Variants in SORCS2 observed in about 807,000 individuals in gnomAD.
The protein encoded by SORCS2 is sortilin related VPS10 domain containing receptor 2.
SORCS2 carries 100 observed loss-of-function variants against 141.6 expected under a neutral mutation model. That is an observed-to-expected ratio of 0.71 (90% confidence interval 0.60 to 0.83). SORCS2 has a LOEUF of 0.83. Ranked by LOEUF, SORCS2 falls within the 40% of genes least tolerant of loss-of-function variation. SORCS2 has a pLI of 0.00. For missense variants in SORCS2, 1,646 were observed against 1,560.2 expected (o/e 1.05, Z -0.93); for synonymous variants, 789 against 676.9 (o/e 1.17, Z -2.57).
chr4:7,252,355 G>C (rs1429157109), intron 1 of SORCS2, among the ~76,000 whole-genome samples: 1 of 152,186 alleles, frequency 6.6e-6, no homozygotes, highest in Non-Finnish European at 1.5e-5. Context: ...GGGCCCGGGT[G>C]GGGCAGGGCA....
chr4:7,725,196 G>T lies in SORCS2; in HGVS notation c.2654G>T (p.Gly885Val). ...ALYLEVVPVI[G>V]LNQEVNLTAV... The stretch of plus-strand genomic sequence containing the variant: ...TACCTGGAGGTGGTTCCTGTCATTG[G>T]CCTCAACCAGGAGGTGAACCTCACA... The change falls in exon 20 of 27, where the codon GGC becomes GTC. Residue 885 changes from glycine to valine, a missense_variant. By Grantham distance (109) the Gly-to-Val change is moderately radical. Coordinates refer to ENST00000507866, the MANE Select transcript of SORCS2 (RefSeq NM_020777.3). 3.1e-6 allele frequency: 5 copies of T among 1,613,534 alleles called. No homozygotes were observed. Among genetic ancestry groups the T allele is most frequent in the Non-Finnish European group, 3.4e-6 (4 of 1,179,620 alleles).
chr4:7,393,194 C>A (rs1157490175), intron 1 of SORCS2, among the ~76,000 whole-genome samples: 1 of 152,082 alleles, frequency 6.6e-6, no homozygotes, highest in Non-Finnish European at 1.5e-5. Flanking sequence ...CTTGGACATT[C>A]CTGGCCGTCT....
chr4:7,604,550 C>T (rs960205614), intron 3 of SORCS2, among the ~76,000 whole-genome samples: 4 of 152,208 alleles, frequency 2.6e-5, no homozygotes, highest in Admixed American at 1.3e-4. Flanking sequence ...ATCCCCGCCT[C>T]GGCCTCCCAA....
intron 1 of SORCS2, among the ~76,000 whole-genome samples, chr4:7,225,198 G>A (rs1461246918): frequency 6.6e-6 from 1 of 152,184 alleles, no homozygotes. Flanking sequence ...CTTCAGGGGA[G>A]GTCTCAGGGA....
intron 3 of SORCS2, among the ~76,000 whole-genome samples, chr4:7,619,617 C>A (rs112701344): frequency 5.7e-4 from 87 of 152,278 alleles, no homozygotes; most frequent in African/African-American, 2.0e-3. Context: ...AGCGGCCCTG[C>A]CTCCTTGGGT....
chr4:7,689,633 C>G, intron 11 of SORCS2, 45 bp downstream of exon 11: 2 of 1,507,288 alleles, frequency 1.3e-6, no homozygotes, highest in Non-Finnish European at 1.8e-6. Context: ...CCATTACAGC[C>G]CAAGAGTACC....
At chr4:7,249,759 T>A (rs1318394412) in intron 1 of SORCS2, among the ~76,000 whole-genome samples, 2 of 152,024 alleles carry the variant, frequency 1.3e-5, no homozygotes, top group African/African-American at 2.4e-5. Context: ...AGAACTCCCT[T>A]CCCCTCCTGC....
chr4:7,676,321 C>A (rs1723110845), intron 9 of SORCS2, 92 bp downstream of exon 9: 1 of 1,363,248 alleles, frequency 7.3e-7, no homozygotes, highest in East Asian at 2.5e-5. Context: ...CCCCTCCCGC[C>A]TGTCTATATA....
intron 1 of SORCS2, among the ~76,000 whole-genome samples, chr4:7,336,023 A>C (rs1045551339): frequency 3.3e-5 from 5 of 152,218 alleles, no homozygotes; most frequent in African/African-American, 1.2e-4. Flanking sequence ...GATGATGGTA[A>C]GGTGACTTCC....
At chr4:7,510,757 A>C (rs1352936884) in intron 2 of SORCS2, among the ~76,000 whole-genome samples, 2 of 61,078 alleles carry the variant, frequency 3.3e-5, no homozygotes, top group Non-Finnish European at 3.1e-5. Context: ...GCCTTCCCAG[A>C]TACCCGCATG....
At chr4:7,460,841 T>C (rs73093607) in intron 2 of SORCS2, among the ~76,000 whole-genome samples, 7,335 of 152,216 alleles carry the variant, frequency 0.048, 620 homozygotes, top group African/African-American at 0.17. Context: ...TGCCGTGAAC[T>C]CACAGTCGCC....
At chr4:7,541,561 C>T (rs910145868) in intron 3 of SORCS2, among the ~76,000 whole-genome samples, 1 of 152,246 alleles carries the variant, frequency 6.6e-6, no homozygotes, top group Non-Finnish European at 1.5e-5. Context: ...CAGTGGCTCA[C>T]AGCTGTGGCC....
intron 3 of SORCS2, among the ~76,000 whole-genome samples, chr4:7,593,334 C>T (rs920911557): frequency 6.6e-6 from 1 of 152,198 alleles, no homozygotes; most frequent in Non-Finnish European, 1.5e-5. Context: ...TGCTGTTTAA[C>T]AGGGGAGCAG....
At chr4:7,659,447 C>T (rs1722012943) in intron 5 of SORCS2, among the ~76,000 whole-genome samples, 1 of 152,180 alleles carries the variant, frequency 6.6e-6, no homozygotes, top group South Asian at 2.1e-4. Flanking sequence ...TCTCAGGCCT[C>T]ATTCCAGGTG....
chr4:7,713,742 A>G (rs1056911294), intron 15 of SORCS2, among the ~76,000 whole-genome samples: 28 of 152,192 alleles, frequency 1.8e-4, no homozygotes, highest in Non-Finnish European at 5.9e-5. Flanking sequence ...TTTCACAAGG[A>G]AGTGCTCAGA....
intron 1 of SORCS2, among the ~76,000 whole-genome samples, chr4:7,197,373 G>T (rs1416335315): frequency 6.6e-6 from 1 of 152,212 alleles, no homozygotes; most frequent in Non-Finnish European, 1.5e-5. Flanking sequence ...CAGGGAAGGG[G>T]TCTCAGCTTC....
intron 3 of SORCS2, among the ~76,000 whole-genome samples, chr4:7,588,384 C>A (rs79720396): frequency 0.028 from 4,254 of 152,228 alleles, 211 homozygotes; most frequent in African/African-American, 0.097. Flanking sequence ...GGTAGGTGTC[C>A]TCTTGTAATT....
At chr4:7,479,169 C>T (rs1730478300) in intron 2 of SORCS2, among the ~76,000 whole-genome samples, 1 of 151,796 alleles carries the variant, frequency 6.6e-6, no homozygotes, top group Non-Finnish European at 1.5e-5. Context: ...GCCAGCTGCC[C>T]TCTCTCTCGG....
intron 1 of SORCS2, among the ~76,000 whole-genome samples, chr4:7,343,786 A>G (rs897604625): frequency 6.6e-6 from 1 of 152,128 alleles, no homozygotes; most frequent in African/African-American, 2.4e-5. Flanking sequence ...AGTCCTCAAG[A>G]TGGGGGCAGC....
Sources: allele counts gnomAD v4.1 joint callset (sites outside exome capture counted in the v4.1 genomes callset), GRCh38; gene constraint gnomAD v4.1.1; transcripts MANE v1.5; gene names NCBI Gene and HGNC (gene_info 2026-07-23, HGNC 2026-07-21).